Variants in NUDCD1 observed in about 807,000 individuals in gnomAD.
The protein encoded by NUDCD1 is NudC domain containing 1, also known as nudC domain-containing protein 1.
In NUDCD1, 60 loss-of-function variants were observed where a neutral mutation model predicts 67.8. The observed-to-expected ratio is 0.88, with a 90% CI of 0.72 to 1.10. The LOEUF is 1.10. Ranked by LOEUF, NUDCD1 falls within the 50% of genes least tolerant of loss-of-function variation. The pLI, the probability that NUDCD1 is intolerant of heterozygous loss-of-function variation, is 0.00. For missense variants in NUDCD1, 643 were observed against 695.0 expected (o/e 0.93, Z 0.84); for synonymous variants, 244 against 230.8 (o/e 1.06, Z -0.52).
intron 8 of NUDCD1, 65 bp downstream of exon 8, chr8:109,270,940 T>A (rs1476666069): frequency 2.8e-6 from 3 of 1,069,010 alleles, no homozygotes; most frequent in African/African-American, 1.6e-5. Flanking sequence ...AAAAACATAT[T>A]TAGACCAATC....
At chr8:109,276,215 G>A (rs1382202329) in intron 6 of NUDCD1, among the ~76,000 whole-genome samples, 1 of 152,206 alleles carries the variant, frequency 6.6e-6, no homozygotes, top group Admixed American at 6.5e-5. Context: ...GATGCAGCAG[G>A]AAAGGGAAAG....
At chr8:109,278,094 C>CTAAGTTATCCTCTATG (rs1814339492) in intron 6 of NUDCD1, among the ~76,000 whole-genome samples, 1 of 152,142 alleles carries the variant, frequency 6.6e-6, no homozygotes, top group Non-Finnish European at 1.5e-5. Context: ...GTAAAAACAT[C>CTAAGTTATCCTCTATG]TAAGTTATCC....
At chr8:109,328,037 G>A (rs1265388497) in intron 1 of NUDCD1, among the ~76,000 whole-genome samples, 1 of 152,106 alleles carries the variant, frequency 6.6e-6, no homozygotes, top group Non-Finnish European at 1.5e-5. Flanking sequence ...GGAAGAATAG[G>A]AACCAGATTT....
intron 7 of NUDCD1, 33 bp downstream of exon 7, chr8:109,275,319 T>C (rs1439579557): frequency 1.4e-5 from 23 of 1,594,096 alleles, no homozygotes; most frequent in Non-Finnish European, 2.0e-5. Context: ...TTTTGGACCC[T>C]TGGAAAGTCA....
intron 2 of NUDCD1, among the ~76,000 whole-genome samples, chr8:109,321,008 C>T (rs1273704462): frequency 6.6e-6 from 1 of 152,218 alleles, no homozygotes; most frequent in Admixed American, 6.5e-5. Flanking sequence ...GGAGGCTTCA[C>T]TAAATACCTT....
In NUDCD1 at chr8:109,322,347, C is replaced by A. The variant is rs1193717089; in HGVS notation, c.235G>T (p.Asp79Tyr). Residue 79 changes from aspartate (D) to tyrosine (Y), a missense_variant, in exon 2 of 10, where the codon GAT becomes TAT. By Grantham distance (160) the Asp-to-Tyr change is radical. Coordinates refer to ENST00000239690, the MANE Select transcript of NUDCD1 (RefSeq NM_032869.4). ...AAATTCATAATTCTTCCAAGGGTATCAATATAGTAGACACTGTCTTGATAC... is the reference window on the plus strand; with the variant it reads ...AAATTCATAATTCTTCCAAGGGTATAAATATAGTAGACACTGTCTTGATAC... ...SWYQDSVYYI[D>Y]TLGRIMNLTV... 1 of 1,566,206 alleles carries A rather than the reference C, an allele frequency of 6.4e-7. No homozygotes were observed. Among genetic ancestry groups the A allele is most frequent in the Non-Finnish European group, 8.8e-7 (1 of 1,141,454 alleles).
intron 9 of NUDCD1, 35 bp from the exon 10 acceptor site, chr8:109,243,336 A>G: frequency 6.7e-7 from 1 of 1,498,442 alleles, no homozygotes; most frequent in African/African-American, 1.4e-5. Context: ...AAGAAAAACT[A>G]TATATTAAAC....
At chr8:109,274,897 A>C (rs1814242866) in intron 7 of NUDCD1, among the ~76,000 whole-genome samples, 1 of 152,164 alleles carries the variant, frequency 6.6e-6, no homozygotes, top group African/African-American at 2.4e-5. Flanking sequence ...TTGTCACTGT[A>C]ATTATCACAA....
At chr8:109,252,541 A>G (rs1813645146) in intron 8 of NUDCD1, among the ~76,000 whole-genome samples, 1 of 152,166 alleles carries the variant, frequency 6.6e-6, no homozygotes, top group African/African-American at 2.4e-5. Context: ...GACATCTTCT[A>G]ATGTCCTGCC....
At chr8:109,331,158 T>C (rs143746977) in intron 1 of NUDCD1, among the ~76,000 whole-genome samples, 2 of 151,852 alleles carry the variant, frequency 1.3e-5, no homozygotes, top group East Asian at 1.9e-4. Context: ...TTGGCCAAGA[T>C]AGTAAAACTC....
chr8:109,306,305 A>G (rs1815100977), intron 2 of NUDCD1, among the ~76,000 whole-genome samples: 1 of 151,956 alleles, frequency 6.6e-6, no homozygotes. Flanking sequence ...CTTTACTTTT[A>G]TACTCACTCT....
intron 8 of NUDCD1, among the ~76,000 whole-genome samples, chr8:109,262,081 C>T (rs747133327): frequency 6.6e-6 from 1 of 152,204 alleles, no homozygotes; most frequent in Non-Finnish European, 1.5e-5. Flanking sequence ...ACTTCAGCCA[C>T]TCTCTATGGG....
At chr8:109,270,721 GA>G (rs79599516) in intron 8 of NUDCD1, among the ~76,000 whole-genome samples, 3,699 of 143,548 alleles carry the variant, frequency 0.026, 132 homozygotes, top group African/African-American at 0.088. Flanking sequence ...ACTGTTGAAT[GA>G]AAAAAAAAAA....
At chr8:109,329,987 C>G (rs1038788469) in intron 1 of NUDCD1, 5 of 1,184,626 alleles carry the variant, frequency 4.2e-6, no homozygotes, top group Non-Finnish European at 5.4e-6. Context: ...TCTGACTAGT[C>G]AAGAAAGGAA....
At chr8:109,331,037 G>T (rs888494504) in intron 1 of NUDCD1, among the ~76,000 whole-genome samples, 2 of 151,952 alleles carry the variant, frequency 1.3e-5, no homozygotes, top group Admixed American at 1.3e-4. Context: ...ATGTACCCCG[G>T]AACTTCAAAG....
intron 1 of NUDCD1, chr8:109,329,966 A>G (rs1236308627): frequency 7.3e-7 from 1 of 1,365,922 alleles, no homozygotes; most frequent in South Asian, 1.9e-5. Flanking sequence ...TACAGATTCT[A>G]TAGTGTAGAT....
intron 2 of NUDCD1, chr8:109,313,712 A>C: frequency 2.2e-6 from 1 of 451,432 alleles, no homozygotes; most frequent in South Asian, 1.6e-5. Flanking sequence ...CATTACTGGG[A>C]AGAACGTAGA....
intron 8 of NUDCD1, among the ~76,000 whole-genome samples, chr8:109,269,095 T>A (rs1814080653): frequency 6.6e-6 from 1 of 152,180 alleles, no homozygotes; most frequent in Non-Finnish European, 1.5e-5. Context: ...ACCATTTTTT[T>A]AATTTAATGA....
In NUDCD1 at chr8:109,281,289, A is replaced by G. The variant is rs1479237268; in HGVS notation, c.824-117T>C. On this transcript the variant is annotated intron_variant, in intron 5 of 9. Coordinates refer to ENST00000239690, the MANE Select transcript of NUDCD1 (RefSeq NM_032869.4). ...ACTAGTGATCATCTCACAAAACGTAATTATAAACAAACATGCACAGATCTC... is the reference window on the plus strand; with the variant it reads ...ACTAGTGATCATCTCACAAAACGTAGTTATAAACAAACATGCACAGATCTC... 17 of 632,956 alleles carry G rather than the reference A, an allele frequency of 2.7e-5. No individual in the cohort carries two copies. In the South Asian group the frequency reaches 3.0e-4, roughly 11 times the overall value. 39.2% of individuals were successfully genotyped at this position (632,956 alleles called of 1,614,324 possible). A position where few individuals can be genotyped will look rare whatever the true frequency, so the allele number is the denominator to read the frequency against.
Sources: allele counts gnomAD v4.1 joint callset (sites outside exome capture counted in the v4.1 genomes callset), GRCh38; gene constraint gnomAD v4.1.1; transcripts MANE v1.5; gene names NCBI Gene and HGNC (gene_info 2026-07-23, HGNC 2026-07-21).